BEND4: variants seen among roughly 807,000 people sequenced by gnomAD.
BEND4 encodes the protein BEN domain-containing protein 4.
In BEND4, 27 loss-of-function variants were observed where a neutral mutation model predicts 54.7. The ratio of observed to expected loss-of-function variants is 0.49; its 90% CI spans 0.36 to 0.68. BEND4 has a LOEUF of 0.68. BEND4 is among the 30% of genes least tolerant of loss of function. The probability of loss-of-function intolerance (pLI) is 0.00; values close to 1 mark genes in which losing one functional copy is unlikely to be tolerated. For synonymous variants in BEND4, 327 were observed against 299.5 expected (o/e 1.09, Z -0.95); for missense variants, 702 against 697.2 (o/e 1.01, Z -0.08).
rs1719729846 is a variant in BEND4, at chr4:42,114,762, T to G, written c.*2756A>C. On this transcript the variant is annotated 3_prime_UTR_variant, in exon 6 of 6. Coordinates refer to ENST00000502486, the MANE Select transcript of BEND4 (RefSeq NM_207406.4). ...CAAAATACAAATGAACATCCTTTGT[T>G]GGTCCTGATTTAAACAAGAGGAGAC... 1.3e-5 allele frequency: 2 copies of G among 152,306 alleles called. No homozygotes were observed. The highest frequency in any genetic ancestry group is 4.1e-4 in the South Asian group (2 of 4,826). The allele number at this position is 152,306 out of a possible 1,614,324, so 9.4% of individuals were successfully genotyped here. A position where few individuals can be genotyped will look rare whatever the true frequency, so the allele number is the denominator to read the frequency against.
rs1159253300 is a variant in BEND4 at position 42,111,248 on chromosome 4, T to C, written c.*6270A>G. 1 of 152,234 alleles carries C rather than the reference T, an allele frequency of 6.6e-6. No individual in the cohort carries two copies. Among genetic ancestry groups the C allele is most frequent in the Non-Finnish European group, 1.5e-5 (1 of 68,050 alleles). 9.4% of individuals were successfully genotyped at this position (152,234 alleles called of 1,614,324 possible). A position where few individuals can be genotyped will look rare whatever the true frequency, so the allele number is the denominator to read the frequency against. On this transcript the variant is annotated 3_prime_UTR_variant, in exon 6 of 6. Transcript: ENST00000502486. The stretch of plus-strand genomic sequence containing the variant: ...GCTTTATTAACATATCCCTAGTGGG[T>C]ATTAACTCTACACAGTACAATCAAA...
intron 4 of BEND4, among the ~76,000 whole-genome samples, chr4:42,120,658 G>C (rs1232940877): frequency 6.6e-6 from 1 of 152,140 alleles, no homozygotes; most frequent in Non-Finnish European, 1.5e-5. Flanking sequence ...TGAAGAGTGT[G>C]ATCAAACAGG....
rs1406004785 is a variant in BEND4 at position 42,143,625 on chromosome 4, G to A, written c.857C>T (p.Pro286Leu). The change falls in exon 3 of 6, where the codon CCT becomes CTT. Residue 286 changes from proline (P) to leucine (L), a missense_variant. Coordinates refer to ENST00000502486, the MANE Select transcript of BEND4 (RefSeq NM_207406.4). ...LADVDPLSTS[P>L]VHTLGGWTSP... ...AGTCCAGCCACCTAATGTATGCACA[G>A]GAGAGGTTGACAGAGGATCCACGTC... is the stretch of plus-strand genomic sequence containing the variant. The A allele has an allele frequency of 1.2e-6, 2 of 1,611,396 alleles. No individual in the cohort carries two copies. Among genetic ancestry groups the A allele is most frequent in the Non-Finnish European group, 8.5e-7 (1 of 1,178,732 alleles).
At chr4:42,127,352 C>G (rs544985547) in intron 3 of BEND4, among the ~76,000 whole-genome samples, 1 of 152,166 alleles carries the variant, frequency 6.6e-6, no homozygotes, top group Non-Finnish European at 1.5e-5. Context: ...GAAGCACTTG[C>G]TGAACAATAA....
Position 42,151,745 on chromosome 4 carries a change from G to C in BEND4, c.399C>G (p.Ala133=), listed in dbSNP as rs1412807258. The C allele has an allele frequency of 6.7e-7, 1 of 1,501,754 alleles. No individual in the cohort carries two copies. The highest frequency in any genetic ancestry group is 1.2e-5 in the South Asian group (1 of 80,606). 93.0% of individuals were successfully genotyped at this position (1,501,754 alleles called of 1,614,324 possible). A position where few individuals can be genotyped will look rare whatever the true frequency, so the allele number is the denominator to read the frequency against. ...SPAASSSSSF[A]AVVRYGPGAA... is the part of the protein sequence containing the mutation. ...CGCCTGGGCCATACCTGACGACAGC[G>C]GCGAACGAAGACGACGAGGAGGCGG... The change falls in exon 2 of 6, where the codon GCC becomes GCG. Residue 133 remains alanine (A), a synonymous_variant. Transcript: ENST00000502486.
chr4:42,143,095 A>C (rs1720947328), intron 3 of BEND4, among the ~76,000 whole-genome samples: 1 of 152,256 alleles, frequency 6.6e-6, no homozygotes. Flanking sequence ...GACCTATTTC[A>C]ATGTCAAAGC....
At chr4:42,136,723 G>C (rs1720710781) in intron 3 of BEND4, among the ~76,000 whole-genome samples, 1 of 152,212 alleles carries the variant, frequency 6.6e-6, no homozygotes, top group Non-Finnish European at 1.5e-5. Flanking sequence ...AATGGCCCCA[G>C]TTGTAGCACT....
chr4:42,143,005 T>C (rs968477945), intron 3 of BEND4, among the ~76,000 whole-genome samples: 2 of 152,204 alleles, frequency 1.3e-5, no homozygotes, highest in Admixed American at 6.5e-5. Context: ...ATAAAATGCA[T>C]AGGATCAAAG....
chr4:42,111,622 TAC>T lies in BEND4; in HGVS notation c.*5894_*5895del, dbSNP rs1719573793. On this transcript the variant is annotated 3_prime_UTR_variant, in exon 6 of 6. Coordinates refer to ENST00000502486, the MANE Select transcript of BEND4 (RefSeq NM_207406.4). ...AAACTACAGGAAAAAATCAACAGAT[TAC>T]TGTATTTTCTTACAAAATTTTCACA... 1.3e-5 allele frequency: 2 copies of T among 152,194 alleles called. No individual in the cohort carries two copies. The highest frequency in any genetic ancestry group is 2.9e-5 in the Non-Finnish European group (2 of 68,036). The allele number at this position is 152,194 out of a possible 1,614,324, so 9.4% of individuals were successfully genotyped here.
intron 3 of BEND4, among the ~76,000 whole-genome samples, chr4:42,128,752 G>A (rs373119320): frequency 2.0e-4 from 30 of 151,206 alleles, no homozygotes; most frequent in Middle Eastern, 3.4e-3. Context: ...ATGAAACCCC[G>A]TCTCTACTAA....
chr4:42,131,125 T>C (rs1345618641), intron 3 of BEND4, among the ~76,000 whole-genome samples: 2 of 152,162 alleles, frequency 1.3e-5, no homozygotes, highest in South Asian at 2.1e-4. Context: ...CTGAGCTTAT[T>C]GCGTAGGTGA....
At chr4:42,130,418 T>C (rs186459694) in intron 3 of BEND4, among the ~76,000 whole-genome samples, 31 of 143,524 alleles carry the variant, frequency 2.2e-4, no homozygotes, top group Non-Finnish European at 3.9e-4. Context: ...AGGCGGAGCT[T>C]GCAGTGAGCC....
chr4:42,124,906 G>C (rs1479858236), intron 4 of BEND4, among the ~76,000 whole-genome samples: 2 of 152,102 alleles, frequency 1.3e-5, no homozygotes, highest in Non-Finnish European at 2.9e-5. Context: ...GTAGAAAGGA[G>C]AGCAATGACA....
chr4:42,130,341 G>A (rs1049242068), intron 3 of BEND4, among the ~76,000 whole-genome samples: 8 of 151,894 alleles, frequency 5.3e-5, no homozygotes, highest in South Asian at 2.1e-4. Context: ...TTAGCCAGGC[G>A]TGGTGGCGGA....
intron 3 of BEND4, among the ~76,000 whole-genome samples, chr4:42,139,757 T>G (rs1720821729): frequency 6.6e-6 from 1 of 152,104 alleles, no homozygotes; most frequent in African/African-American, 2.4e-5. Flanking sequence ...CCATCCTGCT[T>G]GGCTGTAAAA....
chr4:42,143,539 C>CCTT lies in BEND4; in HGVS notation c.942_943insAAG (p.Glu314_Glu315insLys), dbSNP rs1560583416. On this transcript the variant is annotated inframe_insertion, in exon 3 of 6. Coordinates refer to ENST00000502486, the MANE Select transcript of BEND4 (RefSeq NM_207406.4). ...CAATAGCCTTCCTCGTCCTCCTCCT[C>CCTT]CTCCTCTTCTGGCAGTGTAGATGAA... The CCTT allele has an allele frequency of 8.4e-6, 13 of 1,556,866 alleles. No individual in the cohort carries two copies. In the Admixed American group the frequency reaches 2.0e-4, roughly 23 times the overall value.
At position 42,114,008 on chromosome 4, in the gene BEND4, A is replaced by C. The variant is rs1452481560; in HGVS notation, c.*3510T>G. On this transcript the variant is annotated 3_prime_UTR_variant, in exon 6 of 6. Coordinates refer to ENST00000502486, the MANE Select transcript of BEND4 (RefSeq NM_207406.4). ...GGCTAGAGGAAATATTTACAAGTAA[A>C]TACAGAAAGTACTTGTAAAATGTTC... 2 of 152,262 alleles carry C rather than the reference A, an allele frequency of 1.3e-5. No homozygotes were observed. The highest frequency in any genetic ancestry group is 2.4e-5 in the African/African-American group (1 of 41,476). The allele number at this position is 152,262 out of a possible 1,614,324, so 9.4% of individuals were successfully genotyped here.
chr4:42,144,037 G>T, intron 2 of BEND4, 43 bp from the exon 3 acceptor site: 1 of 1,417,614 alleles, frequency 7.1e-7, no homozygotes, highest in Non-Finnish European at 9.8e-7. Context: ...ACAGCCAACG[G>T]CAAAAGATAA....
chr4:42,144,034 A>C, intron 2 of BEND4, 40 bp from the exon 3 acceptor site: 1 of 1,436,478 alleles, frequency 7.0e-7, no homozygotes. Flanking sequence ...CCAACAGCCA[A>C]CGGCAAAAGA....
Sources: allele counts gnomAD v4.1 joint callset (sites outside exome capture counted in the v4.1 genomes callset), GRCh38; gene constraint gnomAD v4.1.1; transcripts MANE v1.5; gene names NCBI Gene and HGNC (gene_info 2026-07-23, HGNC 2026-07-21).